Variants in PCDH15 observed in about 807,000 individuals in gnomAD.
PCDH15 encodes protocadherin-15.
PCDH15 carries 129 observed loss-of-function variants against 178.5 expected under a neutral mutation model. That is an observed-to-expected ratio of 0.72 (90% CI 0.63 to 0.84). PCDH15 has a LOEUF of 0.84. PCDH15 is among the 40% of genes least tolerant of loss of function. The probability of loss-of-function intolerance (pLI) is 0.00; values close to 1 mark genes in which losing one functional copy is unlikely to be tolerated. For synonymous variants in PCDH15, 800 were observed against 732.0 expected (o/e 1.09, Z -1.50); for missense variants, 2,230 against 2,099.9 (o/e 1.06, Z -1.21).
chr10:55,422,424 C>T lies in PCDH15; in HGVS notation c.-156+205201G>A, dbSNP rs115618222. Among the ~76,000 whole-genome samples, 1,174 of 151,886 alleles carry T rather than the reference C, an allele frequency of 7.7e-3. 17 individuals are homozygous for T. The highest frequency in any genetic ancestry group is 0.027 in the African/African-American group (1,101 of 41,482). On this transcript the variant is annotated intron_variant, in intron 2 of 5. Transcript: ENST00000613346. ...TAATGTTAAACCATTCATTGATCAA[C>T]AAAAGCATGGTTTTACCTATATGGT...
chr10:55,308,207 C>T (rs2132285704), intron 1 of PCDH15, among the ~76,000 whole-genome samples: 1 of 152,294 alleles, frequency 6.6e-6, no homozygotes, highest in African/African-American at 2.4e-5. Flanking sequence ...CTATTTAATT[C>T]TCTCCATGGG....
chr10:54,298,684 T>C (rs2059950043), intron 8 of PCDH15, among the ~76,000 whole-genome samples: 1 of 152,184 alleles, frequency 6.6e-6, no homozygotes, highest in Admixed American at 6.5e-5. Flanking sequence ...CTGGGGCAAG[T>C]GCCAGCTCAT....
intron 2 of PCDH15, among the ~76,000 whole-genome samples, chr10:54,623,904 G>A (rs1340762893): frequency 6.6e-6 from 1 of 152,064 alleles, no homozygotes; most frequent in Non-Finnish European, 1.5e-5. Flanking sequence ...TTTGGAAACT[G>A]TTGATGGTTT....
At chr10:55,373,387 G>A (rs1422512380) in intron 2 of PCDH15, among the ~76,000 whole-genome samples, 5 of 152,074 alleles carry the variant, frequency 3.3e-5, no homozygotes, top group Non-Finnish European at 5.9e-5. Flanking sequence ...GTGCTAGAAC[G>A]GGCAGATGAT....
chr10:54,039,678 T>C (rs140946510), intron 18 of PCDH15, among the ~76,000 whole-genome samples: 1 of 152,096 alleles, frequency 6.6e-6, no homozygotes, highest in East Asian at 1.9e-4. Flanking sequence ...AATAAATCTA[T>C]AAACCATCCA....
At chr10:54,936,762 G>C (rs1267631218) in intron 2 of PCDH15, among the ~76,000 whole-genome samples, 2 of 149,496 alleles carry the variant, frequency 1.3e-5, no homozygotes, top group Admixed American at 6.7e-5. Context: ...TATATACTTA[G>C]GAAACAAGTC....
chr10:54,312,236 C>G (rs2060953939), intron 8 of PCDH15, among the ~76,000 whole-genome samples: 1 of 151,980 alleles, frequency 6.6e-6, no homozygotes, highest in African/African-American at 2.4e-5. Flanking sequence ...CAGACATAAA[C>G]ACAGTAATTT....
chr10:55,175,663 C>CAAAAAAAA (rs71014459), intron 1 of PCDH15, among the ~76,000 whole-genome samples: 2 of 106,672 alleles, frequency 1.9e-5, no homozygotes, highest in African/African-American at 3.6e-5. Flanking sequence ...GACTCTGTCT[C>CAAAAAAAA]AAAAAAAAAA....
In PCDH15 at chr10:54,613,579, G is replaced by A. The variant is rs1267358599; in HGVS notation, c.91+50593C>T. On this transcript the variant is annotated intron_variant, in intron 2 of 37. Transcript: ENST00000644397. ...TTGAGGCTAGGGAGGTGAAAGAAAT[G>A]TAGAGTAGGGTCTCTGACAAATGTG... 2.0e-5 allele frequency among the ~76,000 whole-genome samples: 3 copies of A among 151,472 alleles called. No individual in the cohort carries two copies. In the East Asian group the frequency reaches 5.8e-4, roughly 29 times the overall value.
intron 3 of PCDH15, among the ~76,000 whole-genome samples, chr10:54,891,091 AG>A (rs1170502089): frequency 6.6e-6 from 1 of 152,100 alleles, no homozygotes; most frequent in African/African-American, 2.4e-5. Context: ...CATAGGAAAT[AG>A]AGGACATGGT....
At chr10:55,186,934 G>T (rs1421502333) in intron 1 of PCDH15, among the ~76,000 whole-genome samples, 3 of 151,638 alleles carry the variant, frequency 2.0e-5, no homozygotes, top group Middle Eastern at 3.4e-3. Flanking sequence ...AGTATAGTGT[G>T]GGAAGAAAAT....
intron 3 of PCDH15, among the ~76,000 whole-genome samples, chr10:54,881,641 C>T (rs1238276556): frequency 6.6e-6 from 1 of 151,912 alleles, no homozygotes; most frequent in East Asian, 1.9e-4. Context: ...GTGAATCATC[C>T]GTAGTTATAG....
intron 2 of PCDH15, among the ~76,000 whole-genome samples, chr10:55,335,821 T>A (rs552991684): frequency 1.0e-3 from 156 of 152,262 alleles, no homozygotes; most frequent in African/African-American, 3.6e-3. Context: ...TAGTTCCTCA[T>A]AATAGCTATA....
intron 2 of PCDH15, among the ~76,000 whole-genome samples, chr10:54,981,850 A>C (rs1341286867): frequency 6.6e-6 from 1 of 151,800 alleles, no homozygotes; most frequent in Non-Finnish European, 1.5e-5. Flanking sequence ...ATCATAGCTC[A>C]CTGCAACCTT....
intron 3 of PCDH15, among the ~76,000 whole-genome samples, chr10:54,850,635 A>G (rs1394439414): frequency 6.6e-6 from 1 of 152,150 alleles, no homozygotes; most frequent in South Asian, 2.1e-4. Flanking sequence ...GAAGACTGAC[A>G]CCACAACCCT....
intron 21 of PCDH15, among the ~76,000 whole-genome samples, chr10:53,984,127 T>C (rs2090909797): frequency 9.8e-6 from 1 of 101,974 alleles, no homozygotes; most frequent in South Asian, 3.1e-4. Context: ...CTTTTCTTTT[T>C]TTTTTTTTCT....
intron 1 of PCDH15, among the ~76,000 whole-genome samples, chr10:55,312,034 G>A (rs1173828705): frequency 6.6e-6 from 1 of 152,144 alleles, no homozygotes; most frequent in Non-Finnish European, 1.5e-5. Flanking sequence ...ATTAAAAGAG[G>A]TTGTAATGTG....
chr10:55,204,413 C>T (rs1014523392), intron 1 of PCDH15, among the ~76,000 whole-genome samples: 13 of 151,692 alleles, frequency 8.6e-5, no homozygotes, highest in African/African-American at 3.1e-4. Context: ...ATATAAAACT[C>T]TTCCTTGAAT....
At chr10:53,913,625 T>C (rs1326629076) in intron 25 of PCDH15, among the ~76,000 whole-genome samples, 1 of 150,656 alleles carries the variant, frequency 6.6e-6, no homozygotes, top group East Asian at 2.0e-4. Flanking sequence ...GCGTCTGTAT[T>C]CCCAGCTACT....
Sources: allele counts gnomAD v4.1 joint callset (sites outside exome capture counted in the v4.1 genomes callset), GRCh38; gene constraint gnomAD v4.1.1; transcripts MANE v1.5; gene names NCBI Gene and HGNC (gene_info 2026-07-23, HGNC 2026-07-21).